Variants in ATG10 observed in about 807,000 individuals in gnomAD.
ATG10 encodes the protein autophagy related 10.
Under a neutral mutation model 32.1 loss-of-function variants are expected in ATG10, and 30 were observed. That is an observed-to-expected ratio of 0.94 (90% confidence interval 0.70 to 1.27). The LOEUF (loss-of-function observed/expected upper bound fraction) is 1.27. Ranked by LOEUF, ATG10 falls within the 50% of genes most tolerant of loss-of-function variation. ATG10 has a pLI of 0.00. For synonymous variants in ATG10, 87 were observed against 91.5 expected (o/e 0.95, Z 0.28); for missense variants, 233 against 262.3 (o/e 0.89, Z 0.77).
At chr5:82,193,829 A>T (rs891102967) in intron 5 of ATG10, among the ~76,000 whole-genome samples, 1 of 152,242 alleles carries the variant, frequency 6.6e-6, no homozygotes, top group Non-Finnish European at 1.5e-5. Flanking sequence ...CAGTTCCTTT[A>T]TCGGATGATA....
In ATG10 at chr5:82,039,334, AGAGAG is replaced by A. The variant is rs1191848739; in HGVS notation, c.109-19160_109-19156del. ...ATAGGAGAGAAGCAGGGAATTAAGAAGAGAGAAGTTGGAAATATTGATAAGATTTT... is the reference window on the plus strand; with the variant it reads ...ATAGGAGAGAAGCAGGGAATTAAGAAAAGTTGGAAATATTGATAAGATTTT... On this transcript the variant is annotated intron_variant, in intron 2 of 7. Coordinates refer to ENST00000282185, the MANE Select transcript of ATG10 (RefSeq NM_031482.5). Among the ~76,000 whole-genome samples the A allele has an allele frequency of 2.0e-5, 3 of 152,364 alleles. No individual in the cohort carries two copies. The East Asian group carries it at 5.8e-4, about 29-fold the overall frequency.
chr5:81,989,603 A>G (rs1581572392), intron 2 of ATG10, among the ~76,000 whole-genome samples: 1 of 143,940 alleles, frequency 6.9e-6, no homozygotes. Flanking sequence ...TTATGTTTCA[A>G]TTTTTTTTTT....
chr5:82,101,808 A>G (rs867915198), intron 3 of ATG10, among the ~76,000 whole-genome samples: 2 of 152,308 alleles, frequency 1.3e-5, no homozygotes, highest in South Asian at 2.1e-4. Context: ...GACTATTTCA[A>G]TATACCTATG....
At chr5:81,993,708 G>T (rs2149675991) in intron 2 of ATG10, among the ~76,000 whole-genome samples, 1 of 152,090 alleles carries the variant, frequency 6.6e-6, no homozygotes, top group East Asian at 1.9e-4. Context: ...TTACAGACGT[G>T]AGCCACCGTG....
At chr5:81,982,708 C>T (rs1382515597) in intron 1 of ATG10, among the ~76,000 whole-genome samples, 10 of 152,114 alleles carry the variant, frequency 6.6e-5, no homozygotes, top group East Asian at 1.9e-4. Context: ...GAGGACCCTG[C>T]GGCCTTCCGC....
At chr5:81,987,167 G>A (rs912317222) in intron 1 of ATG10, among the ~76,000 whole-genome samples, 1 of 152,236 alleles carries the variant, frequency 6.6e-6, no homozygotes, top group Non-Finnish European at 1.5e-5. Context: ...CTGTCGCCCA[G>A]GCTGGAGTAG....
At chr5:82,166,829 G>T (rs1743604833) in intron 4 of ATG10, among the ~76,000 whole-genome samples, 1 of 151,910 alleles carries the variant, frequency 6.6e-6, no homozygotes, top group Non-Finnish European at 1.5e-5. Flanking sequence ...GTCTTTTTTT[G>T]TTGTTGTTGC....
chr5:82,148,929 T>C (rs1024688184), intron 3 of ATG10, among the ~76,000 whole-genome samples: 9 of 152,320 alleles, frequency 5.9e-5, no homozygotes, highest in Admixed American at 5.2e-4. Context: ...CTCTGAAATA[T>C]GGCATTTCTC....
At chr5:82,070,361 A>G (rs931675880) in intron 3 of ATG10, among the ~76,000 whole-genome samples, 1 of 152,198 alleles carries the variant, frequency 6.6e-6, no homozygotes, top group Non-Finnish European at 1.5e-5. Flanking sequence ...TATTAAAATG[A>G]CTATTGGCTA....
chr5:82,177,688 G>A (rs781116009), intron 4 of ATG10, among the ~76,000 whole-genome samples: 7 of 152,030 alleles, frequency 4.6e-5, no homozygotes, highest in Non-Finnish European at 8.8e-5. Context: ...TGTGTATAAT[G>A]TAAGTGCCAT....
intron 3 of ATG10, among the ~76,000 whole-genome samples, chr5:82,158,888 C>T (rs2149892650): frequency 1.3e-5 from 2 of 152,242 alleles, no homozygotes; most frequent in South Asian, 4.2e-4. Flanking sequence ...GTACCCCTAA[C>T]TATATAGTCC....
chr5:82,066,068 T>C (rs564895632), intron 3 of ATG10, among the ~76,000 whole-genome samples: 7 of 152,190 alleles, frequency 4.6e-5, no homozygotes, highest in Non-Finnish European at 1.0e-4. Flanking sequence ...TAATAATAAG[T>C]AGTAAAAATT....
intron 3 of ATG10, among the ~76,000 whole-genome samples, chr5:82,139,126 A>T (rs980130808): frequency 6.9e-6 from 1 of 145,026 alleles, no homozygotes; most frequent in Admixed American, 6.8e-5. Flanking sequence ...TTGCAGACGG[A>T]GTCTCGTTCA....
chr5:82,002,008 A>G lies in ATG10; in HGVS notation c.108+14330A>G, dbSNP rs537419029. On this transcript the variant is annotated intron_variant, in intron 2 of 7. Coordinates refer to ENST00000282185, the MANE Select transcript of ATG10 (RefSeq NM_031482.5). ...CAGACACTTCTCAAAAGAAGAAGAC[A>G]TGCACATCGCCAAGAAGCATATGAG... Among the ~76,000 whole-genome samples the G allele has an allele frequency of 2.0e-4, 30 of 152,328 alleles. No individual in the cohort carries two copies. The South Asian group carries it at 5.6e-3, about 28-fold the overall frequency.
chr5:82,027,962 C>T (rs562122110), intron 2 of ATG10, among the ~76,000 whole-genome samples: 68 of 152,272 alleles, frequency 4.5e-4, no homozygotes, highest in Admixed American at 7.8e-4. Flanking sequence ...TGCAAAGCAA[C>T]AAGAAAAACC....
intron 3 of ATG10, among the ~76,000 whole-genome samples, chr5:82,060,932 T>G (rs902971918): frequency 6.6e-6 from 1 of 152,200 alleles, no homozygotes; most frequent in Non-Finnish European, 1.5e-5. Flanking sequence ...ATGGTTAACA[T>G]TCTTCAAACT....
Position 82,253,306 on chromosome 5 carries a change from T to A in ATG10, c.552-8T>A, listed in dbSNP as rs1490338715. 1 of 1,588,136 alleles carries A rather than the reference T, an allele frequency of 6.3e-7. No homozygotes were observed. The highest frequency in any genetic ancestry group is 1.7e-5 in the Admixed American group (1 of 59,920). On this transcript the variant is annotated splice_region_variant and splice_polypyrimidine_tract_variant and intron_variant, in intron 6 of 7. Transcript: ENST00000282185. The stretch of plus-strand genomic sequence containing the variant: ...GTTAGCATGGCCTGTATTTCACTTG[T>A]TTCCTAGGAATGTCAACTATATCAC...
intron 5 of ATG10, among the ~76,000 whole-genome samples, chr5:82,238,769 A>G (rs931900210): frequency 6.6e-6 from 1 of 152,198 alleles, no homozygotes; most frequent in Non-Finnish European, 1.5e-5. Context: ...TAAGTAAAAA[A>G]ACATATGGAG....
intron 2 of ATG10, among the ~76,000 whole-genome samples, chr5:82,019,579 C>T (rs1266237901): frequency 6.6e-6 from 1 of 152,120 alleles, no homozygotes; most frequent in East Asian, 1.9e-4. Flanking sequence ...ACCTCCACCC[C>T]GATATGAGAA....
Sources: gnomAD v4.1 joint callset for allele counts (sites outside exome capture counted in the v4.1 genomes callset) on GRCh38, gnomAD v4.1.1 for gene constraint, MANE v1.5 for transcripts, NCBI Gene and HGNC (gene_info 2026-07-23, HGNC 2026-07-21) for gene names.